COL18A1: variants seen among roughly 807,000 people sequenced by gnomAD.
COL18A1 encodes the protein collagen type XVIII alpha 1 chain.
A neutral mutation model predicts 168.0 loss-of-function variants in COL18A1; 133 were observed. That is an observed-to-expected ratio of 0.79 (90% CI 0.69 to 0.91). COL18A1 has a LOEUF of 0.91. Ranked by LOEUF, COL18A1 falls within the 40% of genes least tolerant of loss-of-function variation. The probability of loss-of-function intolerance (pLI) is 0.00; values close to 1 mark genes in which losing one functional copy is unlikely to be tolerated. For synonymous variants in COL18A1, 949 were observed against 809.0 expected, an observed-to-expected ratio of 1.17 and a Z score of -2.94; for missense variants, 2,126 against 1,925.4, an observed-to-expected ratio of 1.10 and a Z score of -1.95.
At chr21:45,456,679 C>A (rs1378684984) in intron 2 of COL18A1, 1 of 1,532,338 alleles carries the variant, frequency 6.5e-7, no homozygotes, top group African/African-American at 1.4e-5. Flanking sequence ...ACTGCCACCC[C>A]TTCCTCGCCT....
At chr21:45,437,016 T>C (rs2034122003) in intron 2 of COL18A1, among the ~76,000 whole-genome samples, 1 of 152,060 alleles carries the variant, frequency 6.6e-6, no homozygotes, top group Non-Finnish European at 1.5e-5. Context: ...TCCGTTCCTG[T>C]ACATAGTGAA....
intron 2 of COL18A1, among the ~76,000 whole-genome samples, chr21:45,414,974 G>C (rs543938992): frequency 6.6e-6 from 1 of 152,218 alleles, no homozygotes; most frequent in South Asian, 2.1e-4. Context: ...AGCCGCTGGG[G>C]AGGGCATGAG....
intron 5 of COL18A1, among the ~76,000 whole-genome samples, chr21:45,476,118 G>A (rs2035639282): frequency 1.3e-5 from 2 of 151,096 alleles, no homozygotes; most frequent in Admixed American, 6.5e-5. Flanking sequence ...AGGCCTCTGT[G>A]GTGACGGCAG....
intron 6 of COL18A1, among the ~76,000 whole-genome samples, chr21:45,476,856 C>T (rs55983707): frequency 0.066 from 9,523 of 145,192 alleles, 406 homozygotes; most frequent in Non-Finnish European, 0.098. Flanking sequence ...GTGTAGTGTG[C>T]GTATTGTGTG....
At chr21:45,509,664 G>A (rs2037455788) in intron 39 of COL18A1, 63 bp downstream of exon 39, 1 of 915,482 alleles carries the variant, frequency 1.1e-6, no homozygotes, top group South Asian at 1.4e-5. Flanking sequence ...CAGCAGAAGA[G>A]GGCCCAGCCC....
chr21:45,505,078 C>G, intron 34 of COL18A1, 56 bp from the exon 35 acceptor site: 2 of 1,582,318 alleles, frequency 1.3e-6, no homozygotes, highest in Non-Finnish European at 1.7e-6. Flanking sequence ...CAAGCTTGCC[C>G]GCCCCCAGTC....
At chr21:45,505,997 C>G (rs199511992) in intron 37 of COL18A1, 31 bp downstream of exon 37, 3 of 1,612,500 alleles carry the variant, frequency 1.9e-6, no homozygotes. Context: ...GTTCTGGACC[C>G]GTGGAAGGGC....
intron 2 of COL18A1, chr21:45,455,637 A>G: frequency 6.2e-7 from 1 of 1,613,946 alleles, no homozygotes; most frequent in African/African-American, 1.3e-5. Context: ...TTCAATAATG[A>G]GGACACCAGC....
At chr21:45,449,629 TAGAC>T (rs2034578491) in intron 2 of COL18A1, among the ~76,000 whole-genome samples, 1 of 152,112 alleles carries the variant, frequency 6.6e-6, no homozygotes, top group African/African-American at 2.4e-5. Context: ...GGGTGGGTGT[TAGAC>T]AGGGTGTGGC....
intron 2 of COL18A1, chr21:45,455,893 C>T (rs2034785525): frequency 4.3e-6 from 7 of 1,612,972 alleles, no homozygotes. Flanking sequence ...CCAAAGGCAT[C>T]CGGAGCTTCG....
chr21:45,481,796 G>A (rs1022493042), intron 13 of COL18A1, among the ~76,000 whole-genome samples, 167 bp from the exon 14 acceptor site: 4 of 152,234 alleles, frequency 2.6e-5, no homozygotes, highest in Admixed American at 2.0e-4. Flanking sequence ...TGCGGGCTAC[G>A]CAGGCTGTGG....
chr21:45,485,571 G>A (rs2036081029), intron 15 of COL18A1, among the ~76,000 whole-genome samples: 1 of 152,216 alleles, frequency 6.6e-6, no homozygotes. Context: ...AGCCAAGAAA[G>A]TAAAATCTAA....
In COL18A1 at chr21:45,477,883, C is replaced by G. The variant is rs768284186; in HGVS notation, c.1139C>G (p.Pro380Arg). ...CPVSPLGPAG[P>R]ALQTVPGPQG... ...GTGAGTCCCCTGGGTCCTGCAGGCCCAGCGTTGCAAACTGTCCCCGGACCA... is the reference window on the plus strand; with the variant it reads ...GTGAGTCCCCTGGGTCCTGCAGGCCGAGCGTTGCAAACTGTCCCCGGACCA... Residue 380 changes from proline to arginine, a missense_variant, in exon 8 of 42, where the codon CCA (proline) becomes CGA (arginine). Transcript: ENST00000651438. 39 of 1,560,102 alleles carry G rather than the reference C, an allele frequency of 2.5e-5. No individual in the cohort carries two copies. The highest frequency in any genetic ancestry group is 3.4e-5 in the Non-Finnish European group (39 of 1,152,132).
chr21:45,508,235 AAGTGGGTG>A (rs1028619842), intron 38 of COL18A1, among the ~76,000 whole-genome samples: 14 of 122,130 alleles, frequency 1.1e-4, no homozygotes, highest in Admixed American at 2.4e-4. Context: ...GATAGTGGGT[AAGTGGGTG>A]AGTGGATGGT....
At chr21:45,422,612 G>A (rs749827643) in intron 2 of COL18A1, 8 of 399,186 alleles carry the variant, frequency 2.0e-5, no homozygotes, top group African/African-American at 1.0e-4. Flanking sequence ...TGGGTGGCAC[G>A]GGCTCTCCCA....
intron 30 of COL18A1, among the ~76,000 whole-genome samples, chr21:45,496,802 G>A (rs777429347): frequency 6.6e-6 from 1 of 152,242 alleles, no homozygotes; most frequent in Non-Finnish European, 1.5e-5. Flanking sequence ...AAGGGCCTGA[G>A]CCCAGGGTTG....
At chr21:45,479,257 ACAC>A (rs1210340980) in intron 9 of COL18A1, among the ~76,000 whole-genome samples, 3 of 151,686 alleles carry the variant, frequency 2.0e-5, no homozygotes, top group Admixed American at 6.6e-5. Flanking sequence ...CACACATTAC[ACAC>A]CACACGTGGA....
chr21:45,443,084 TGGTGCTGATGTGGGCGGC>T lies in COL18A1; in HGVS notation c.107-25150_107-25133del, dbSNP rs1569292137. Among the ~76,000 whole-genome samples, 3 of 124,348 alleles carry T rather than the reference TGGTGCTGATGTGGGCGGC, an allele frequency of 2.4e-5. No homozygotes were observed. The highest frequency in any genetic ancestry group is 7.9e-5 in the Admixed American group (1 of 12,706). 81.6% of individuals were successfully genotyped at this position (124,348 alleles called of 152,430 possible). ...GTGGTGGTGCTGGTGTGGGTGGTGG[TGGTGCTGATGTGGGCGGC>T]GGTGCTGGTGTGGGCGGCGGTGCTG... is the stretch of plus-strand genomic sequence containing the variant. On this transcript the variant is annotated intron_variant, in intron 2 of 41. Coordinates refer to ENST00000651438, the MANE Select transcript of COL18A1 (RefSeq NM_001379500.1). The surrounding 1 kb of genome is among the most constrained non-coding windows in gnomAD (Gnocchi z 5.2).
chr21:45,506,140 T>C lies in COL18A1; in HGVS notation c.3216+174T>C, dbSNP rs2236483. ...TTAGTAAAATACTTTTGTGAGCAGTTTTGGGTTTAAAGAAAAGTGAGCTCA... is the reference window on the plus strand; with the variant it reads ...TTAGTAAAATACTTTTGTGAGCAGTCTTGGGTTTAAAGAAAAGTGAGCTCA... On this transcript the variant is annotated intron_variant, in intron 37 of 41. Transcript: ENST00000651438. 395,096 of 1,002,696 alleles carry C rather than the reference T, an allele frequency of 0.39. 80,375 individuals carry two copies. Among genetic ancestry groups the C allele is most frequent in the East Asian group, 0.59 (22,171 of 37,742 alleles). 62.1% of individuals were successfully genotyped at this position (1,002,696 alleles called of 1,614,324 possible).
Sources: allele counts gnomAD v4.1 joint callset (sites outside exome capture counted in the v4.1 genomes callset), GRCh38; gene constraint gnomAD v4.1.1; non-coding constraint Gnocchi (gnomAD v3.1); transcripts MANE v1.5; gene names NCBI Gene and HGNC (gene_info 2026-07-23, HGNC 2026-07-21).